Variants in IL37 observed in about 807,000 individuals in gnomAD.
IL37 encodes interleukin-37.
IL37 carries 15 observed loss-of-function variants against 15.4 expected under a neutral mutation model. That is an observed-to-expected ratio of 0.98 (90% CI 0.65 to 1.50). The LOEUF (loss-of-function observed/expected upper bound fraction) is 1.50, where lower values mean the gene tolerates loss of function less well. IL37 is among the 40% of genes most tolerant of loss of function. The pLI is 0.00. For missense variants in IL37, 269 were observed against 261.7 expected (o/e 1.03, Z -0.19); for synonymous variants, 98 against 97.4 (o/e 1.01, Z -0.03).
chr2:112,918,166 T>A (rs149158237), intron 5 of IL37, among the ~76,000 whole-genome samples: 1 of 147,624 alleles, frequency 6.8e-6, no homozygotes, highest in African/African-American at 2.5e-5. Flanking sequence ...GAGGGCAGTG[T>A]GTCTGCCCTG....
intron 3 of IL37, chr2:112,915,296 C>A (rs1683281247): frequency 5.1e-6 from 8 of 1,564,638 alleles, no homozygotes; most frequent in Middle Eastern, 1.7e-4. Flanking sequence ...AAAGTAGCTT[C>A]TTAAAAAGAG....
chr2:112,913,918 C>A, intron 3 of IL37, 64 bp downstream of exon 3: 2 of 1,288,414 alleles, frequency 1.6e-6, no homozygotes, highest in East Asian at 2.3e-5. Context: ...GGGGATGGAG[C>A]CATTGGGTCC....
chr2:112,918,159 G>A (rs975246199), intron 5 of IL37, among the ~76,000 whole-genome samples: 1 of 151,008 alleles, frequency 6.6e-6, no homozygotes, highest in African/African-American at 2.4e-5. Context: ...GCACTCGGAG[G>A]GCAGTGTGTC....
At chr2:112,914,362 C>T (rs138148612) in intron 3 of IL37, among the ~76,000 whole-genome samples, 1 of 152,326 alleles carries the variant, frequency 6.6e-6, no homozygotes, top group Non-Finnish European at 1.5e-5. Flanking sequence ...AGATTCCCTG[C>T]CCTAGGTGAC....
At chr2:112,917,820 A>G (rs756369502) in intron 5 of IL37, 43 bp downstream of exon 5, 18 of 1,607,114 alleles carry the variant, frequency 1.1e-5, no homozygotes, top group East Asian at 6.7e-5. Flanking sequence ...GGCTACCCCA[A>G]AGTAAAAGGC....
At chr2:112,918,334 TCA>T (rs1491476695) in intron 5 of IL37, among the ~76,000 whole-genome samples, 1 of 151,674 alleles carries the variant, frequency 6.6e-6, no homozygotes, top group African/African-American at 2.4e-5. Flanking sequence ...TCTCTCTCTC[TCA>T]GTTTATTTTT....
Position 112,913,801 on chromosome 2 carries a change from G to T in IL37, c.92G>T (p.Gly31Val), listed in dbSNP as rs3811046. Residue 31 changes from glycine to valine, a missense_variant, in exon 3 of 6, where the codon GGA becomes GTA. By Grantham distance (109) the Gly-to-Val change is moderately radical. Coordinates refer to ENST00000263326, the MANE Select transcript of IL37 (RefSeq NM_014439.4). ...EPQCCLEDPAGSPLEPGPSLP... is the reference protein window; with the variant it reads ...EPQCCLEDPAVSPLEPGPSLP... Reference sequence around the variant, plus strand: ...CTGCGTCTGACTGCAGACCCGGCTGGAAGCCCCCTGGAACCAGGCCCAAGC... The same window carrying T: ...CTGCGTCTGACTGCAGACCCGGCTGTAAGCCCCCTGGAACCAGGCCCAAGC... The T allele has an allele frequency of 0.69, 1,112,137 of 1,610,358 alleles. 393,215 individuals carry two copies. The highest frequency in any genetic ancestry group is 0.81 in the East Asian group (36,497 of 44,792).
At position 112,917,631 on chromosome 2, in the gene IL37, C is replaced by G; in HGVS notation, c.266-4C>G. The G allele has an allele frequency of 6.4e-7, 1 of 1,559,320 alleles. No individual in the cohort carries two copies. The highest frequency in any genetic ancestry group is 1.2e-5 in the South Asian group (1 of 81,732). The stretch of plus-strand genomic sequence containing the variant: ...CCACACATGTTCTGACTGTCTTTTT[C>G]CAGAGATCTTCTTTGCATTAGCCTC... On this transcript the variant is annotated splice_polypyrimidine_tract_variant and splice_region_variant and intron_variant, in intron 4 of 5. Transcript: ENST00000263326.
Position 112,918,576 on chromosome 2 carries a change from A to G in IL37, c.424A>G (p.Lys142Glu). 6.2e-7 allele frequency: 1 copy of G among 1,611,274 alleles called. No homozygotes were observed. The highest frequency in any genetic ancestry group is 8.5e-7 in the Non-Finnish European group (1 of 1,179,024). Residue 142 changes from lysine (K) to glutamate (E), a missense_variant, in exon 6 of 6, where the codon AAG becomes GAG. Lys to Glu is a moderately conservative substitution (Grantham distance 56). Transcript: ENST00000263326. ...TACCTCACAGAAGGAGAAACTGATG[A>G]AGCTGGCTGCCCAAAAGGAATCAGC... ...SLQLKKEKLM[K>E]LAAQKESARR... is the part of the protein sequence containing the mutation.
intron 3 of IL37, among the ~76,000 whole-genome samples, chr2:112,916,212 G>C (rs575641066): frequency 6.6e-6 from 1 of 152,318 alleles, no homozygotes; most frequent in African/African-American, 2.4e-5. Flanking sequence ...TGGTTACTGT[G>C]TTTTCATATT....
intron 1 of IL37, among the ~76,000 whole-genome samples, chr2:112,912,099 A>G (rs570194893): frequency 6.6e-6 from 1 of 152,268 alleles, no homozygotes; most frequent in South Asian, 2.1e-4. Flanking sequence ...CCTTTCTCAA[A>G]GGATTGGATT....
chr2:112,918,602 A>C lies in IL37; in HGVS notation c.450A>C (p.Ala150=). 1 of 1,613,266 alleles carries C rather than the reference A, an allele frequency of 6.2e-7. No homozygotes were observed. Among genetic ancestry groups the C allele is most frequent in the Admixed American group, 1.7e-5 (1 of 60,006 alleles). ...AGCTGGCTGCCCAAAAGGAATCAGCACGCCGGCCCTTCATCTTTTATAGGG... is the reference window on the plus strand; with the variant it reads ...AGCTGGCTGCCCAAAAGGAATCAGCCCGCCGGCCCTTCATCTTTTATAGGG... ...LMKLAAQKES[A]RRPFIFYRAQ... Residue 150 remains alanine (A), a synonymous_variant, in exon 6 of 6, where the codon GCA becomes GCC. Coordinates refer to ENST00000263326, the MANE Select transcript of IL37 (RefSeq NM_014439.4).
chr2:112,917,823 T>C, intron 5 of IL37, 46 bp downstream of exon 5: 1 of 1,603,190 alleles, frequency 6.2e-7, no homozygotes, highest in Middle Eastern at 1.7e-4. Flanking sequence ...TACCCCAAAG[T>C]AAAAGGCCAA....
At chr2:112,916,923 T>C (rs1174561469) in intron 3 of IL37, among the ~76,000 whole-genome samples, 1 of 152,222 alleles carries the variant, frequency 6.6e-6, no homozygotes, top group Admixed American at 6.5e-5. Context: ...TGTCCAAATC[T>C]GGAACCCATT....
chr2:112,913,691 C>A, intron 2 of IL37, 101 bp from the exon 3 acceptor site: 1 of 863,852 alleles, frequency 1.2e-6, no homozygotes, highest in Non-Finnish European at 1.9e-6. Flanking sequence ...TCTAGTATTT[C>A]TCAGCACATA....
At position 112,918,732 on chromosome 2, in the gene IL37, G is replaced by A. The variant is rs551689287; in HGVS notation, c.580G>A (p.Glu194Lys). The change falls in exon 6 of 6, where the codon GAG becomes AAG. Residue 194 changes from glutamate (E) to lysine (K), a missense_variant. Glu to Lys is a moderately conservative substitution (Grantham distance 56, BLOSUM62 1). Coordinates refer to ENST00000263326, the MANE Select transcript of IL37 (RefSeq NM_014439.4). ...GCCTGTTGGGGTGACAGATAAATTT[G>A]AGAACAGGAAACACATTGAATTTTC... ...NEPVGVTDKF[E>K]NRKHIEFSFQ... 6.2e-7 allele frequency: 1 copy of A among 1,614,150 alleles called. No individual in the cohort carries two copies. The highest frequency in any genetic ancestry group is 1.1e-5 in the South Asian group (1 of 91,070).
intron 3 of IL37, chr2:112,915,237 C>G (rs1264878071): frequency 1.2e-6 from 2 of 1,613,874 alleles, no homozygotes; most frequent in African/African-American, 2.7e-5. Context: ...AAGGAAAGAA[C>G]AGCTTTAAGA....
Position 112,917,797 on chromosome 2 carries a change from T to A in IL37, c.408+20T>A, listed in dbSNP as rs1188206517. 6.2e-7 allele frequency: 1 copy of A among 1,613,636 alleles called. No homozygotes were observed. The highest frequency in any genetic ancestry group is 8.5e-7 in the Non-Finnish European group (1 of 1,179,874). On this transcript the variant is annotated intron_variant, in intron 5 of 5. Coordinates refer to ENST00000263326, the MANE Select transcript of IL37 (RefSeq NM_014439.4). Reference sequence around the variant, plus strand: ...CTGAAGGTGAGAGTTCTAGCTCAGTTTCCTGGGCCTTTGGCTACCCCAAAG... The same window carrying A: ...CTGAAGGTGAGAGTTCTAGCTCAGTATCCTGGGCCTTTGGCTACCCCAAAG...
intron 2 of IL37, 92 bp downstream of exon 2, chr2:112,913,186 T>C: frequency 1.3e-6 from 1 of 757,990 alleles, no homozygotes; most frequent in Non-Finnish European, 2.0e-6. Context: ...AGTTGTTTCC[T>C]GCTGACTTGC....
Sources: allele counts gnomAD v4.1 joint callset (sites outside exome capture counted in the v4.1 genomes callset), GRCh38; gene constraint gnomAD v4.1.1; transcripts MANE v1.5; gene names NCBI Gene and HGNC (gene_info 2026-07-23, HGNC 2026-07-21).